Variants in VAV2 observed in about 807,000 individuals in gnomAD.
VAV2 encodes the protein vav guanine nucleotide exchange factor 2.
In VAV2, 67 loss-of-function variants were observed where a neutral mutation model predicts 132.5. The observed-to-expected ratio is 0.51, with a 90% CI of 0.42 to 0.62. The LOEUF (loss-of-function observed/expected upper bound fraction) is 0.62. VAV2 is among the 20% of genes least tolerant of loss of function. The pLI is 0.00. For missense variants in VAV2, 938 were observed against 1,153.6 expected (o/e 0.81, Z 2.71); for synonymous variants, 492 against 443.5 (o/e 1.11, Z -1.37).
At chr9:133,856,904 G>T (rs1837404873) in intron 3 of VAV2, among the ~76,000 whole-genome samples, 1 of 152,102 alleles carries the variant, frequency 6.6e-6, no homozygotes, top group South Asian at 2.1e-4. Context: ...CACTCTCAGG[G>T]TTTGGGGGTT....
rs1564474135 is a variant in VAV2, at chr9:133,930,381, G to GCTGCCTCCTGGTCTCCACC, written c.321+8721_321+8722insGGTGGAGACCAGGAGGCAG. Reference sequence around the variant, plus strand: ...TCTTCACTACCCTCCCTGCCTCCTTGCTGCCTCCTGGCCTCCACACTGGCT... The same window carrying GCTGCCTCCTGGTCTCCACC: ...TCTTCACTACCCTCCCTGCCTCCTTGCTGCCTCCTGGTCTCCACCCTGCCTCCTGGCCTCCACACTGGCT... On this transcript the variant is annotated intron_variant, in intron 2 of 29. Coordinates refer to ENST00000371850, the MANE Select transcript of VAV2 (RefSeq NM_001134398.2). 1.3e-4 allele frequency among the ~76,000 whole-genome samples: 20 copies of GCTGCCTCCTGGTCTCCACC among 148,432 alleles called. No individual in the cohort carries two copies. The South Asian group carries it at 1.7e-3, about 13-fold the overall frequency.
chr9:133,854,462 T>C (rs545005633), intron 3 of VAV2, among the ~76,000 whole-genome samples: 1 of 152,360 alleles, frequency 6.6e-6, no homozygotes, highest in Admixed American at 6.5e-5. Flanking sequence ...GCAGTGACCA[T>C]GCCAGGCCAG....
At chr9:133,898,395 C>T (rs1338300628) in intron 2 of VAV2, among the ~76,000 whole-genome samples, 1 of 151,856 alleles carries the variant, frequency 6.6e-6, no homozygotes, top group Non-Finnish European at 1.5e-5. Flanking sequence ...TCAAGACCAG[C>T]CTGGCCAACA....
intron 2 of VAV2, among the ~76,000 whole-genome samples, chr9:133,876,565 G>A (rs973317323): frequency 6.6e-6 from 1 of 152,260 alleles, no homozygotes; most frequent in African/African-American, 2.4e-5. Context: ...CGGACACAGG[G>A]CCAAGGAGCT....
chr9:133,942,404 A>G (rs1330325889), intron 1 of VAV2, among the ~76,000 whole-genome samples: 5 of 152,196 alleles, frequency 3.3e-5, no homozygotes, highest in South Asian at 2.1e-4. Flanking sequence ...CCCTGGGAAC[A>G]ATAAGGTTCT....
chr9:133,807,785 C>T (rs1835208425), intron 7 of VAV2, among the ~76,000 whole-genome samples: 1 of 152,228 alleles, frequency 6.6e-6, no homozygotes, highest in Admixed American at 6.5e-5. Flanking sequence ...TGCTCTCCAC[C>T]CCGAGGAGTG....
At chr9:133,790,004 C>T (rs902295868) in intron 13 of VAV2, among the ~76,000 whole-genome samples, 1 of 152,238 alleles carries the variant, frequency 6.6e-6, no homozygotes, top group Non-Finnish European at 1.5e-5. Context: ...TCCAAGGTCT[C>T]AGCCCCAGAG....
chr9:133,887,710 G>A (rs539616380), intron 2 of VAV2, among the ~76,000 whole-genome samples: 1 of 152,212 alleles, frequency 6.6e-6, no homozygotes, highest in African/African-American at 2.4e-5. Flanking sequence ...CAGCAGCCAG[G>A]ACACAGACCA....
At chr9:133,923,583 C>T (rs187382275) in intron 2 of VAV2, among the ~76,000 whole-genome samples, 410 of 152,274 alleles carry the variant, frequency 2.7e-3, no homozygotes, top group African/African-American at 9.4e-3. Context: ...AAGACTGTGG[C>T]GATTCCTCAA....
At chr9:133,810,531 T>C (rs557629738) in intron 5 of VAV2, among the ~76,000 whole-genome samples, 2 of 152,150 alleles carry the variant, frequency 1.3e-5, no homozygotes, top group Non-Finnish European at 2.9e-5. Flanking sequence ...GGAGCAGCTG[T>C]TTTATCTCAG....
At chr9:133,907,374 G>A (rs895457670) in intron 2 of VAV2, among the ~76,000 whole-genome samples, 2 of 152,186 alleles carry the variant, frequency 1.3e-5, no homozygotes, top group East Asian at 1.9e-4. Flanking sequence ...ATCCCATCAC[G>A]GTTCAAGCCC....
intron 6 of VAV2, among the ~76,000 whole-genome samples, chr9:133,809,702 C>A (rs544610320): frequency 6.6e-6 from 1 of 152,222 alleles, no homozygotes; most frequent in East Asian, 1.9e-4. Flanking sequence ...CCTGGAGCCT[C>A]CTCCAGAGCA....
rs1836330015 is a variant in VAV2 at position 133,833,206 on chromosome 9, T to C, written c.449+1066A>G. Among the ~76,000 whole-genome samples, 1 of 152,096 alleles carries C rather than the reference T, an allele frequency of 6.6e-6. No individual in the cohort carries two copies. Among genetic ancestry groups the C allele is most frequent in the Non-Finnish European group, 1.5e-5 (1 of 68,022 alleles). ...TGATATGGGGATGACTTGAATTGTG[T>C]ATATACACAGGGATCCTGCGGAAAG... On this transcript the variant is annotated intron_variant, in intron 4 of 29. Coordinates refer to ENST00000371850, the MANE Select transcript of VAV2 (RefSeq NM_001134398.2). The surrounding 1 kb of genome is among the most constrained non-coding windows in gnomAD (Gnocchi z 5.6).
chr9:133,836,294 C>T (rs915661206), intron 3 of VAV2, among the ~76,000 whole-genome samples: 1 of 152,186 alleles, frequency 6.6e-6, no homozygotes, highest in African/African-American at 2.4e-5. Context: ...TGAGATGTGA[C>T]TTCAGGACCC....
At chr9:133,902,944 G>A (rs1040233788) in intron 2 of VAV2, among the ~76,000 whole-genome samples, 1 of 151,970 alleles carries the variant, frequency 6.6e-6, no homozygotes, top group African/African-American at 2.4e-5. Flanking sequence ...GTGTGGTGAT[G>A]CACACCTGTA....
At chr9:133,792,919 TC>T (rs1009277121) in intron 12 of VAV2, among the ~76,000 whole-genome samples, 8 of 151,930 alleles carry the variant, frequency 5.3e-5, no homozygotes, top group African/African-American at 1.7e-4. Context: ...CATCACGTGG[TC>T]CCTCTTAAAC....
At chr9:133,782,502 T>C (rs525060) in intron 19 of VAV2, among the ~76,000 whole-genome samples, 82,252 of 152,044 alleles carry the variant, frequency 0.54, 22,879 homozygotes, top group East Asian at 0.98. Context: ...CTTCTGGCCC[T>C]CTCCCCAGGT....
intron 1 of VAV2, among the ~76,000 whole-genome samples, chr9:133,975,626 C>A (rs759519594): frequency 6.6e-5 from 10 of 152,198 alleles, no homozygotes; most frequent in Admixed American, 2.6e-4. Flanking sequence ...CAAAGTCTAG[C>A]TCCCTCCAAA....
chr9:133,915,501 C>T (rs1038010094), intron 2 of VAV2, among the ~76,000 whole-genome samples: 1 of 152,232 alleles, frequency 6.6e-6, no homozygotes, highest in Non-Finnish European at 1.5e-5. Context: ...TTACAAAGCA[C>T]CCTGAAAACA....
Sources: allele counts gnomAD v4.1 joint callset (sites outside exome capture counted in the v4.1 genomes callset), GRCh38; gene constraint gnomAD v4.1.1; non-coding constraint Gnocchi (gnomAD v3.1); transcripts MANE v1.5; gene names NCBI Gene and HGNC (gene_info 2026-07-23, HGNC 2026-07-21).